The following NIPAL3 variants were observed in gnomAD, a reference collection of about 807,000 sequenced individuals.
The protein encoded by NIPAL3 is NIPA like domain containing 3, also known as NIPA-like protein 3.
In NIPAL3, 41 loss-of-function variants were observed where a neutral mutation model predicts 47.2. The observed-to-expected ratio is 0.87, with a 90% CI of 0.68 to 1.13. NIPAL3 has a LOEUF of 1.13. Ranked by LOEUF, NIPAL3 falls within the 50% of genes most tolerant of loss-of-function variation. The pLI is 0.00. For missense variants in NIPAL3, 449 were observed against 530.1 expected (o/e 0.85, Z 1.50); for synonymous variants, 194 against 209.6 (o/e 0.93, Z 0.64).
chr1:24,428,258 AAGAGAGAGAGAGAGAGAGAGAGAG>A (rs56082168), intron 2 of NIPAL3, among the ~76,000 whole-genome samples: 4 of 119,556 alleles, frequency 3.3e-5, no homozygotes, highest in African/African-American at 1.2e-4. Context: ...CTCAAAAAGA[AAGAGAGAGAGAGAGAGAGAGAGAG>A]AGAGAGAGAG....
chr1:24,444,116 G>A (rs934529832), intron 4 of NIPAL3, among the ~76,000 whole-genome samples: 1 of 151,954 alleles, frequency 6.6e-6, no homozygotes, highest in African/African-American at 2.4e-5. Context: ...CATCCAGTGA[G>A]GAGTAATATT....
Position 24,449,592 on chromosome 1 carries a change from G to C in NIPAL3, c.506G>C (p.Arg169Thr), listed in dbSNP as rs1005581522. The C allele has an allele frequency of 3.1e-6, 5 of 1,613,900 alleles. No homozygotes were observed. Among genetic ancestry groups the C allele is most frequent in the Non-Finnish European group, 4.2e-6 (5 of 1,180,024 alleles). ...AAGATGACAGGCGAGAATGTCACCA[G>C]GCACCTCGTGAGCTGGCCTTTCCTT... Reference protein sequence around the residue: ...HEKMTGENVTRHLVSWPFLLY... With the variant: ...HEKMTGENVTTHLVSWPFLLY... Residue 169 changes from arginine to threonine, a missense_variant, in exon 6 of 12, where the codon AGG becomes ACG. Physicochemically the swap from Arg to Thr is moderately conservative, Grantham distance 71. Coordinates refer to ENST00000374399, the MANE Select transcript of NIPAL3 (RefSeq NM_020448.5). The surrounding 1 kb of genome is among the most constrained non-coding windows in gnomAD (Gnocchi z 4.5).
intron 2 of NIPAL3, among the ~76,000 whole-genome samples, chr1:24,424,253 T>C (rs1644470673): frequency 1.3e-5 from 2 of 152,204 alleles, no homozygotes; most frequent in African/African-American, 4.8e-5. Context: ...AAATCCCCAG[T>C]GTTCCTTCTT....
At chr1:24,439,429 A>G (rs993499898) in intron 2 of NIPAL3, among the ~76,000 whole-genome samples, 1 of 152,192 alleles carries the variant, frequency 6.6e-6, no homozygotes, top group Non-Finnish European at 1.5e-5. Context: ...TGATATGTAA[A>G]TTTATGGACA....
rs141958489 is a variant in NIPAL3, at chr1:24,451,026, A to T, written c.540+1400A>T. On this transcript the variant is annotated intron_variant, in intron 6 of 11. Coordinates refer to ENST00000374399, the MANE Select transcript of NIPAL3 (RefSeq NM_020448.5). The surrounding 1 kb of genome is among the most constrained non-coding windows in gnomAD (Gnocchi z 4.5). Reference sequence around the variant, plus strand: ...GAGGATTGAAGCCCAAGACTTCCTAAGTGCTGTGTGGCCTTAGCCAAGTCG... The same window carrying T: ...GAGGATTGAAGCCCAAGACTTCCTATGTGCTGTGTGGCCTTAGCCAAGTCG... 0.013 allele frequency among the ~76,000 whole-genome samples: 1,980 copies of T among 152,344 alleles called. 13 individuals carry two copies. The highest frequency in any genetic ancestry group is 0.02 in the Non-Finnish European group (1,348 of 68,028).
chr1:24,453,367 C>T, intron 6 of NIPAL3, 41 bp from the exon 7 acceptor site: 2 of 1,499,108 alleles, frequency 1.3e-6, no homozygotes, highest in Non-Finnish European at 9.3e-7. Flanking sequence ...TCGCCTACTT[C>T]TGTGGTCCCC....
Position 24,470,746 on chromosome 1 carries a change from T to C in NIPAL3, c.*1561T>C, listed in dbSNP as rs1646875114. ...TGGATTGTGCTTAATACTGATTTAG[T>C]ATCTTGACTCCAAAAACTGACATCT... On this transcript the variant is annotated 3_prime_UTR_variant, in exon 12 of 12. Coordinates refer to ENST00000374399, the MANE Select transcript of NIPAL3 (RefSeq NM_020448.5). 6.6e-6 allele frequency: 1 copy of C among 152,264 alleles called. No homozygotes were observed. The highest frequency in any genetic ancestry group is 1.5e-5 in the Non-Finnish European group (1 of 68,050). The allele number at this position is 152,264 out of a possible 1,614,324, so 9.4% of individuals were successfully genotyped here.
In NIPAL3 at chr1:24,472,606, T is replaced by G. The variant is rs1290387962; in HGVS notation, c.*3421T>G. On this transcript the variant is annotated 3_prime_UTR_variant, in exon 12 of 12. Coordinates refer to ENST00000374399, the MANE Select transcript of NIPAL3 (RefSeq NM_020448.5). ...CACAGCAGGGTTCAGGTTATGCAGT[T>G]TTTGCAGTGTGGAGTTGAACGCTGG... The G allele has an allele frequency of 6.6e-6, 1 of 152,146 alleles. No individual in the cohort carries two copies. The highest frequency in any genetic ancestry group is 1.5e-5 in the Non-Finnish European group (1 of 68,026). 9.4% of individuals were successfully genotyped at this position (152,146 alleles called of 1,614,324 possible).
intron 1 of NIPAL3, among the ~76,000 whole-genome samples, chr1:24,417,583 C>T (rs975659638): frequency 7.9e-5 from 12 of 152,164 alleles, no homozygotes; most frequent in Non-Finnish European, 1.6e-4. Flanking sequence ...TAAAGTTACC[C>T]GGTGAATGCT....
At chr1:24,423,316 A>T (rs756679159) in intron 2 of NIPAL3, among the ~76,000 whole-genome samples, 1 of 152,184 alleles carries the variant, frequency 6.6e-6, no homozygotes, top group Non-Finnish European at 1.5e-5. Flanking sequence ...AACTCCATGG[A>T]TGGCTAATGC....
At chr1:24,419,173 G>T in intron 1 of NIPAL3, 118 bp from the exon 2 acceptor site, 1 of 367,760 alleles carries the variant, frequency 2.7e-6, no homozygotes. Context: ...TTTTTTAATG[G>T]ACTCACTTGT....
chr1:24,422,522 CT>C (rs1311056549), intron 2 of NIPAL3, among the ~76,000 whole-genome samples: 2 of 152,212 alleles, frequency 1.3e-5, no homozygotes, highest in Admixed American at 6.5e-5. Context: ...TGCCTTCACC[CT>C]TTTACCCCCT....
chr1:24,427,690 T>C (rs1226770809), intron 2 of NIPAL3, among the ~76,000 whole-genome samples: 1 of 152,150 alleles, frequency 6.6e-6, no homozygotes, highest in Non-Finnish European at 1.5e-5. Context: ...ATAGGACTCA[T>C]AGTAACACCC....
At chr1:24,435,973 A>G (rs1216835414) in intron 2 of NIPAL3, among the ~76,000 whole-genome samples, 1 of 152,196 alleles carries the variant, frequency 6.6e-6, no homozygotes, top group Non-Finnish European at 1.5e-5. Flanking sequence ...CTCAGACGGC[A>G]CTTCCTCTCT....
chr1:24,461,682 C>T (rs959555739), intron 10 of NIPAL3, among the ~76,000 whole-genome samples: 6 of 151,576 alleles, frequency 4.0e-5, no homozygotes, highest in Admixed American at 6.6e-5. Flanking sequence ...GCCTGGCCAA[C>T]GTGCTGAAAC....
intron 2 of NIPAL3, among the ~76,000 whole-genome samples, chr1:24,422,860 C>A (rs1200781114): frequency 1.3e-5 from 2 of 152,230 alleles, no homozygotes; most frequent in Admixed American, 6.5e-5. Flanking sequence ...TCAGAAAACA[C>A]TTTTCCTATC....
upstream of NIPAL3, chr1:24,414,403 G>C (rs1428328447): frequency 6.6e-6 from 1 of 151,304 alleles, no homozygotes; most frequent in East Asian, 2.0e-4. Flanking sequence ...GACTATACAA[G>C]GGCAGCCACT....
At chr1:24,464,767 T>TG (rs1277469959) in intron 11 of NIPAL3, 1 of 152,248 alleles carries the variant, frequency 6.6e-6, no homozygotes, top group African/African-American at 2.4e-5. Context: ...TGTAGGTTGC[T>TG]GGTGACCATT....
chr1:24,470,829 T>G lies in NIPAL3; in HGVS notation c.*1644T>G, dbSNP rs530693656. On this transcript the variant is annotated 3_prime_UTR_variant, in exon 12 of 12. Coordinates refer to ENST00000374399, the MANE Select transcript of NIPAL3 (RefSeq NM_020448.5). The stretch of plus-strand genomic sequence containing the variant: ...TTAACCACTTCTGTATTGTGTGGTC[T>G]TAACTGCCTAAGGCGGCAATGGGCA... The G allele has an allele frequency of 1.3e-5, 2 of 152,376 alleles. No individual in the cohort carries two copies. Among genetic ancestry groups the G allele is most frequent in the South Asian group, 4.1e-4 (2 of 4,830 alleles). The allele number at this position is 152,376 out of a possible 1,614,324, so 9.4% of individuals were successfully genotyped here.
Sources: allele counts gnomAD v4.1 joint callset (sites outside exome capture counted in the v4.1 genomes callset), GRCh38; gene constraint gnomAD v4.1.1; non-coding constraint Gnocchi (gnomAD v3.1); transcripts MANE v1.5; gene names NCBI Gene and HGNC (gene_info 2026-07-23, HGNC 2026-07-21).